GRK5: variants seen among roughly 807,000 people sequenced by gnomAD.
GRK5 encodes g protein-coupled receptor kinase GRK5.
A neutral mutation model predicts 78.4 loss-of-function variants in GRK5; 40 were observed. The ratio of observed to expected loss-of-function variants is 0.51; its 90% CI spans 0.40 to 0.66. The LOEUF (loss-of-function observed/expected upper bound fraction) is 0.66. Among genes scored for constraint, GRK5 ranks in the 30% least tolerant of loss-of-function variants. GRK5 has a pLI of 0.00. For synonymous variants in GRK5, 289 were observed against 296.8 expected (o/e 0.97, Z 0.27); for missense variants, 598 against 759.9 (o/e 0.79, Z 2.50).
intron 2 of GRK5, among the ~76,000 whole-genome samples, chr10:119,350,132 C>T (rs1851167418): frequency 6.6e-6 from 1 of 152,244 alleles, no homozygotes; most frequent in Admixed American, 6.5e-5. Context: ...GCTGGAGGCC[C>T]AGCCCATGAC....
At chr10:119,337,555 C>T (rs1203729175) in intron 2 of GRK5, among the ~76,000 whole-genome samples, 1 of 152,232 alleles carries the variant, frequency 6.6e-6, no homozygotes, top group Admixed American at 6.5e-5. Context: ...CAGCCCTATC[C>T]CTGTCTTCAC....
chr10:119,430,407 A>G lies in GRK5; in HGVS notation c.566A>G (p.Tyr189Cys). The G allele has an allele frequency of 6.2e-7, 1 of 1,613,340 alleles. No individual in the cohort carries two copies. The highest frequency in any genetic ancestry group is 2.2e-5 in the East Asian group (1 of 44,838). Reference protein sequence around the residue: ...QPVTKNTFRQYRVLGKGGFGE... With the variant: ...QPVTKNTFRQCRVLGKGGFGE... ...GTGACCAAAAACACTTTCAGGCAGT[A>G]TCGAGTGCTAGGAAAAGGGGGCTTC... The change falls in exon 7 of 16, where the codon TAT becomes TGT. Residue 189 changes from tyrosine to cysteine, a missense_variant. Physicochemically the swap from Tyr to Cys is radical, Grantham distance 194. Coordinates refer to ENST00000392870, the MANE Select transcript of GRK5 (RefSeq NM_005308.3). The surrounding 1 kb of genome is among the most constrained non-coding windows in gnomAD (Gnocchi z 4.5).
chr10:119,256,583 C>T (rs56053649), intron 1 of GRK5, among the ~76,000 whole-genome samples: 4,000 of 151,718 alleles, frequency 0.026, 66 homozygotes, highest in Non-Finnish European at 0.038. Context: ...GCCACAGCAC[C>T]CCACCCCTCA....
chr10:119,310,049 A>G (rs1032339782), intron 1 of GRK5, among the ~76,000 whole-genome samples: 1 of 152,132 alleles, frequency 6.6e-6, no homozygotes, highest in East Asian at 1.9e-4. Context: ...TTCCCAGACC[A>G]TGTGTGTACA....
intron 1 of GRK5, among the ~76,000 whole-genome samples, chr10:119,315,751 G>A (rs371054183): frequency 1.3e-5 from 2 of 152,020 alleles, no homozygotes; most frequent in African/African-American, 4.8e-5. Flanking sequence ...ATGAGTCATC[G>A]GCCTTTTGTG....
At chr10:119,286,521 A>G (rs1304810719) in intron 1 of GRK5, among the ~76,000 whole-genome samples, 1 of 152,250 alleles carries the variant, frequency 6.6e-6, no homozygotes, top group South Asian at 2.1e-4. Context: ...GGCCCCCCTC[A>G]GCCTTCCTTA....
chr10:119,257,891 T>G (rs1235111621), intron 1 of GRK5, among the ~76,000 whole-genome samples: 1 of 152,198 alleles, frequency 6.6e-6, no homozygotes, highest in African/African-American at 2.4e-5. Context: ...TAAGATCATG[T>G]TTTGGGGTCC....
chr10:119,231,680 C>G (rs1387260432), intron 1 of GRK5, among the ~76,000 whole-genome samples: 2 of 147,018 alleles, frequency 1.4e-5, no homozygotes, highest in Non-Finnish European at 3.0e-5. Context: ...GCACTCTAGC[C>G]TGAGTGACAG....
chr10:119,306,516 G>C (rs1850273924), intron 1 of GRK5, among the ~76,000 whole-genome samples: 1 of 152,180 alleles, frequency 6.6e-6, no homozygotes, highest in Non-Finnish European at 1.5e-5. Flanking sequence ...AGCCCAGAGT[G>C]GGGATGTGTC....
intron 4 of GRK5, among the ~76,000 whole-genome samples, chr10:119,397,054 C>T (rs1024713468): frequency 3.3e-5 from 5 of 152,220 alleles, no homozygotes; most frequent in Non-Finnish European, 7.3e-5. Context: ...TGCCCACACC[C>T]AACCATTTGT....
chr10:119,339,784 C>T (rs1005789233), intron 2 of GRK5, among the ~76,000 whole-genome samples: 1 of 152,040 alleles, frequency 6.6e-6, no homozygotes, highest in Non-Finnish European at 1.5e-5. Flanking sequence ...GTTCCAGCTA[C>T]TTGGGAGGTT....
At chr10:119,429,793 T>C (rs1347854745) in intron 6 of GRK5, among the ~76,000 whole-genome samples, 4 of 152,118 alleles carry the variant, frequency 2.6e-5, no homozygotes, top group Admixed American at 6.5e-5. Context: ...AGGACACGAT[T>C]TGAAGACCAG....
intron 9 of GRK5, 104 bp downstream of exon 9, chr10:119,436,945 C>A: frequency 9.4e-7 from 1 of 1,060,774 alleles, no homozygotes; most frequent in South Asian, 1.6e-5. Context: ...GGAATCAGCC[C>A]TGGTCAGCAC....
chr10:119,396,834 C>T (rs972177145), intron 4 of GRK5, 62 bp downstream of exon 4: 3 of 1,296,004 alleles, frequency 2.3e-6, no homozygotes, highest in Non-Finnish European at 3.4e-6. Context: ...AAATAGGAGC[C>T]CCTAAGTCTG....
At chr10:119,416,794 A>G (rs1852463715) in intron 4 of GRK5, among the ~76,000 whole-genome samples, 1 of 152,098 alleles carries the variant, frequency 6.6e-6, no homozygotes, top group Non-Finnish European at 1.5e-5. Context: ...GGGTTTCACC[A>G]TGTTGGCCAG....
intron 6 of GRK5, among the ~76,000 whole-genome samples, chr10:119,429,975 C>G (rs1221717808): frequency 2.0e-5 from 3 of 152,130 alleles, no homozygotes; most frequent in Non-Finnish European, 4.4e-5. Context: ...GGACGCTGGT[C>G]CTCTGTGGCT....
intron 2 of GRK5, among the ~76,000 whole-genome samples, chr10:119,344,487 G>A (rs953620195): frequency 1.3e-5 from 2 of 152,280 alleles, no homozygotes; most frequent in South Asian, 2.1e-4. Context: ...ACGCCCGGTC[G>A]CAGGATGTCT....
intron 1 of GRK5, among the ~76,000 whole-genome samples, chr10:119,318,186 TTAGAC>T: frequency 6.6e-6 from 1 of 152,314 alleles, no homozygotes; most frequent in Admixed American, 6.5e-5. Flanking sequence ...GAAAAGAACA[TTAGAC>T]TAAGAGTCAG....
chr10:119,307,444 A>C (rs1850289940), intron 1 of GRK5, among the ~76,000 whole-genome samples: 1 of 152,056 alleles, frequency 6.6e-6, no homozygotes, highest in Non-Finnish European at 1.5e-5. Context: ...GATTAGAGGG[A>C]GAGTGGACTG....
Sources: gnomAD v4.1 joint callset for allele counts (sites outside exome capture counted in the v4.1 genomes callset) on GRCh38, gnomAD v4.1.1 for gene constraint, Gnocchi (gnomAD v3.1) non-coding constraint, MANE v1.5 for transcripts, NCBI Gene and HGNC (gene_info 2026-07-23, HGNC 2026-07-21) for gene names.